Variants in NR5A2 observed in about 807,000 individuals in gnomAD.
NR5A2 encodes the protein CYP7A promoter-binding factor.
A neutral mutation model predicts 62.7 loss-of-function variants in NR5A2; 26 were observed. That is an observed-to-expected ratio of 0.41 (90% CI 0.30 to 0.58). The LOEUF is 0.58. Among genes scored for constraint, NR5A2 ranks in the 20% least tolerant of loss-of-function variants. The pLI, the probability that NR5A2 is intolerant of heterozygous loss-of-function variation, is 0.22. For synonymous variants in NR5A2, 246 were observed against 241.7 expected (o/e 1.02, Z -0.16); for missense variants, 541 against 669.1 (o/e 0.81, Z 2.11).
intron 7 of NR5A2, among the ~76,000 whole-genome samples, chr1:200,137,622 A>G (rs1196698909): frequency 6.6e-6 from 1 of 152,238 alleles, no homozygotes; most frequent in Non-Finnish European, 1.5e-5. Flanking sequence ...TATTGCCAGC[A>G]TCAAACTCAA....
At chr1:200,135,450 G>A (rs1667174155) in intron 7 of NR5A2, among the ~76,000 whole-genome samples, 1 of 151,922 alleles carries the variant, frequency 6.6e-6, no homozygotes, top group Admixed American at 6.6e-5. Flanking sequence ...GAACCTGGGA[G>A]GTGGAGGTTG....
intron 5 of NR5A2, among the ~76,000 whole-genome samples, chr1:200,080,112 C>T (rs1411522226): frequency 6.6e-6 from 1 of 152,118 alleles, no homozygotes; most frequent in Admixed American, 6.5e-5. Context: ...AGAAGGAGAA[C>T]AGACAGTTGG....
intron 7 of NR5A2, among the ~76,000 whole-genome samples, chr1:200,168,586 G>T (rs968616660): frequency 1.3e-5 from 2 of 152,124 alleles, no homozygotes; most frequent in East Asian, 3.9e-4. Flanking sequence ...GCATGTGTGT[G>T]TGTGTACACA....
In NR5A2 at chr1:200,151,305, T is replaced by C. The variant is rs77746409; in HGVS notation, c.1379-22658T>C. 5.0e-3 allele frequency among the ~76,000 whole-genome samples: 762 copies of C among 152,350 alleles called. 2 individuals carry two copies. The highest frequency in any genetic ancestry group is 0.017 in the African/African-American group (721 of 41,572). ...ATGGGTTTCAAGTTAGCAGGAACCA[T>C]CTATCAATTCTTAAGATTATGCCAT... On this transcript the variant is annotated intron_variant, in intron 7 of 7. Transcript: ENST00000367362.
At position 200,144,233 on chromosome 1, in the gene NR5A2, T is replaced by TCTCTCACACA. The variant is rs1446217306; in HGVS notation, c.1378+23279_1378+23280insTCTCACACAC. ...CACTGTTTCTCTCTCTCTCTCTCTCTCACACACACACACACACACACACAC... is the reference window on the plus strand; with the variant it reads ...CACTGTTTCTCTCTCTCTCTCTCTCTCTCTCACACACACACACACACACACACACACACAC... On this transcript the variant is annotated intron_variant, in intron 7 of 7. Transcript: ENST00000367362. 8.9e-3 allele frequency among the ~76,000 whole-genome samples: 716 copies of TCTCTCACACA among 80,076 alleles called. 10 individuals carry two copies. Among genetic ancestry groups the TCTCTCACACA allele is most frequent in the African/African-American group, 0.028 (674 of 23,896 alleles). 52.5% of individuals were successfully genotyped at this position (80,076 alleles called of 152,430 possible).
At chr1:200,092,353 G>A (rs139585482) in intron 5 of NR5A2, among the ~76,000 whole-genome samples, 1 of 152,190 alleles carries the variant, frequency 6.6e-6, no homozygotes, top group East Asian at 1.9e-4. Context: ...TCTGTAGTGT[G>A]CTTTATTAAA....
At chr1:200,060,674 ACTAGTGTCTT>A in intron 5 of NR5A2, among the ~76,000 whole-genome samples, 1 of 152,306 alleles carries the variant, frequency 6.6e-6, no homozygotes, top group East Asian at 1.9e-4. Context: ...AGAGATGGTC[ACTAGTGTCTT>A]CCTCACCTTT....
chr1:200,135,219 C>T (rs1667157030), intron 7 of NR5A2, among the ~76,000 whole-genome samples: 1 of 152,102 alleles, frequency 6.6e-6, no homozygotes, highest in Admixed American at 6.6e-5. Context: ...TGACTTGGGG[C>T]CTGAAATAAT....
intron 7 of NR5A2, among the ~76,000 whole-genome samples, chr1:200,146,960 C>T (rs1396828867): frequency 1.0e-5 from 1 of 99,400 alleles, no homozygotes; most frequent in Non-Finnish European, 2.5e-5. Flanking sequence ...ATCCTTGTAT[C>T]CTTTTTTTTT....
chr1:200,099,971 T>G (rs1665290538), intron 5 of NR5A2, among the ~76,000 whole-genome samples: 1 of 152,208 alleles, frequency 6.6e-6, no homozygotes, highest in Non-Finnish European at 1.5e-5. Context: ...AAACATAACC[T>G]CATTATGCTA....
chr1:200,057,136 A>T (rs1041700373), intron 5 of NR5A2, among the ~76,000 whole-genome samples: 14 of 152,240 alleles, frequency 9.2e-5, no homozygotes, highest in Non-Finnish European at 2.1e-4. Context: ...ATGAAAAACC[A>T]TTCTTTTCAG....
rs1031854306 is a variant in NR5A2 at position 200,099,599 on chromosome 1, T to G, written c.1111-11603T>G. Reference sequence around the variant, plus strand: ...CTGCACACCTGGATTTCTTTTATTTTATTTTATTTTTTGAGATGGAATCTT... The same window carrying G: ...CTGCACACCTGGATTTCTTTTATTTGATTTTATTTTTTGAGATGGAATCTT... On this transcript the variant is annotated intron_variant, in intron 5 of 7. Transcript: ENST00000367362. Among the ~76,000 whole-genome samples the G allele has an allele frequency of 5.9e-5, 9 of 152,054 alleles. No individual in the cohort carries two copies. In the East Asian group the frequency reaches 1.7e-3, roughly 29 times the overall value.
intron 5 of NR5A2, among the ~76,000 whole-genome samples, chr1:200,095,387 G>T (rs1448288082): frequency 6.6e-6 from 1 of 152,146 alleles, no homozygotes; most frequent in East Asian, 1.9e-4. Context: ...AGATAAAGTG[G>T]CATGAGACTT....
At chr1:200,114,405 AT>A (rs1306413630) in intron 6 of NR5A2, among the ~76,000 whole-genome samples, 3 of 152,110 alleles carry the variant, frequency 2.0e-5, no homozygotes, top group Non-Finnish European at 4.4e-5. Context: ...GTTAGAGTAT[AT>A]TTTCTTCACT....
At chr1:200,047,584 C>CTTTTTTTT (rs3066613) in intron 4 of NR5A2, among the ~76,000 whole-genome samples, 35,720 of 147,688 alleles carry the variant, frequency 0.24, 5,664 homozygotes, top group African/African-American at 0.45. Flanking sequence ...TATTTCTTTT[C>CTTTTTTTT]TTTTTTTTGA....
chr1:200,155,051 A>C (rs1012564614), intron 7 of NR5A2, among the ~76,000 whole-genome samples: 2 of 152,242 alleles, frequency 1.3e-5, no homozygotes, highest in African/African-American at 4.8e-5. Context: ...GTGGAAGTGC[A>C]GCTTGTGAGG....
At chr1:200,089,752 G>A (rs1664732052) in intron 5 of NR5A2, among the ~76,000 whole-genome samples, 1 of 152,220 alleles carries the variant, frequency 6.6e-6, no homozygotes, top group Non-Finnish European at 1.5e-5. Context: ...TTACAGGCGT[G>A]AGCCACTGCA....
intron 5 of NR5A2, among the ~76,000 whole-genome samples, chr1:200,082,646 A>T (rs145068674): frequency 6.6e-6 from 1 of 152,208 alleles, no homozygotes; most frequent in Non-Finnish European, 1.5e-5. Context: ...ATGTCTTCAC[A>T]TTTCACATTA....
chr1:200,043,987 T>A lies in NR5A2; in HGVS notation c.321+95T>A, dbSNP rs2817007. The A allele has an allele frequency of 5.6e-3, 4,142 of 740,104 alleles. 124 individuals carry two copies. In the African/African-American group the frequency reaches 0.067, roughly 12 times the overall value. 45.8% of individuals were successfully genotyped at this position (740,104 alleles called of 1,614,324 possible). A position where few individuals can be genotyped will look rare whatever the true frequency, so the allele number is the denominator to read the frequency against. ...TTAAGCTAAATTTAGGCTCCTTTTTTAAAGACTCAACTAAAAATGAGGGAG... is the reference window on the plus strand; with the variant it reads ...TTAAGCTAAATTTAGGCTCCTTTTTAAAAGACTCAACTAAAAATGAGGGAG... On this transcript the variant is annotated intron_variant, in intron 3 of 7. Transcript: ENST00000367362.
Sources: gnomAD v4.1 joint callset for allele counts (sites outside exome capture counted in the v4.1 genomes callset) on GRCh38, gnomAD v4.1.1 for gene constraint, MANE v1.5 for transcripts, NCBI Gene and HGNC (gene_info 2026-07-23, HGNC 2026-07-21) for gene names.